Variants in ZNF143 observed in about 807,000 individuals in gnomAD.
ZNF143 encodes SPH-binding factor.
Under a neutral mutation model 74.1 loss-of-function variants are expected in ZNF143, and 49 were observed. That is an observed-to-expected ratio of 0.66 (90% confidence interval 0.53 to 0.84). The LOEUF is 0.84. Among genes scored for constraint, ZNF143 ranks in the 40% least tolerant of loss-of-function variants. The probability of loss-of-function intolerance (pLI) is 0.00; values close to 1 mark genes in which losing one functional copy is unlikely to be tolerated. For synonymous variants in ZNF143, 304 were observed against 282.8 expected (o/e 1.07, Z -0.75); for missense variants, 637 against 793.4 (o/e 0.80, Z 2.37).
intron 14 of ZNF143, among the ~76,000 whole-genome samples, chr11:9,522,753 C>A (rs1219534647): frequency 6.6e-6 from 1 of 151,948 alleles, no homozygotes; most frequent in African/African-American, 2.4e-5. Flanking sequence ...CTTGGCCTCC[C>A]AGAGTGTTGG....
intron 6 of ZNF143, among the ~76,000 whole-genome samples, chr11:9,479,110 C>T (rs1847138784): frequency 6.6e-6 from 1 of 151,702 alleles, no homozygotes; most frequent in Non-Finnish European, 1.5e-5. Flanking sequence ...ACATGTATCT[C>T]TCATATAACT....
At chr11:9,522,332 CCCTCAG>C (rs1848961456) in intron 14 of ZNF143, among the ~76,000 whole-genome samples, 2 of 151,892 alleles carry the variant, frequency 1.3e-5, no homozygotes, top group Admixed American at 6.6e-5. Context: ...CTTCAGGGAT[CCCTCAG>C]CCTCAGCCTC....
intron 5 of ZNF143, 49 bp from the exon 6 acceptor site, chr11:9,478,341 T>C: frequency 6.4e-7 from 1 of 1,571,818 alleles, no homozygotes; most frequent in East Asian, 2.3e-5. Context: ...ATGTAAATAT[T>C]TGTCAGATTT....
chr11:9,518,670 T>C (rs1157919391), intron 14 of ZNF143, among the ~76,000 whole-genome samples: 1 of 151,570 alleles, frequency 6.6e-6, no homozygotes, highest in African/African-American at 2.4e-5. Flanking sequence ...TCAGCCGAGA[T>C]TGCACCACTG....
chr11:9,471,152 A>G (rs946164276), intron 1 of ZNF143, 150 bp from the exon 2 acceptor site: 4 of 571,764 alleles, frequency 7.0e-6, no homozygotes, highest in African/African-American at 5.8e-5. Flanking sequence ...CTTTGGGCTA[A>G]TACTCTTACC....
intron 15 of ZNF143, 173 bp downstream of exon 15, chr11:9,525,559 C>T (rs1278927177): frequency 1.2e-6 from 1 of 834,456 alleles, no homozygotes; most frequent in East Asian, 2.8e-5. Flanking sequence ...AAAAGACCAG[C>T]ACTTTGTTCT....
Position 9,466,819 on chromosome 11 carries a change from G to A in ZNF143, c.-7-4483G>A, listed in dbSNP as rs372422854. ...TAGACTGAAACGATGAGAATATGGT[G>A]CAGAGAGCAGTAAAGATATTATTGT... On this transcript the variant is annotated intron_variant, in intron 1 of 15. Transcript: ENST00000396602. Among the ~76,000 whole-genome samples the A allele has an allele frequency of 1.1e-3, 170 of 151,912 alleles. 1 individual carries two copies. In the Middle Eastern group the frequency reaches 0.031, roughly 27 times the overall value.
intron 7 of ZNF143, among the ~76,000 whole-genome samples, chr11:9,486,528 C>T (rs1847558305): frequency 7.9e-6 from 1 of 126,382 alleles, no homozygotes; most frequent in Admixed American, 9.6e-5. Flanking sequence ...CTGATCCACC[C>T]TCATCTGCCA....
intron 10 of ZNF143, among the ~76,000 whole-genome samples, chr11:9,499,497 G>T (rs758575320): frequency 5.9e-5 from 9 of 152,176 alleles, no homozygotes; most frequent in Non-Finnish European, 1.0e-4. Context: ...AAATCTTTTG[G>T]AATGGTTTCC....
intron 4 of ZNF143, 124 bp downstream of exon 4, chr11:9,474,148 A>G: frequency 2.6e-6 from 2 of 764,624 alleles, no homozygotes; most frequent in South Asian, 1.5e-5. Flanking sequence ...CTGTAAAGGG[A>G]GATTATAGAT....
chr11:9,501,758 T>C (rs1332208610), intron 11 of ZNF143, among the ~76,000 whole-genome samples: 1 of 151,916 alleles, frequency 6.6e-6, no homozygotes, highest in Non-Finnish European at 1.5e-5. Flanking sequence ...AGCATGATAC[T>C]CAGTGGTTCC....
chr11:9,511,021 G>C (rs1377849479), intron 12 of ZNF143, among the ~76,000 whole-genome samples: 2 of 151,462 alleles, frequency 1.3e-5, no homozygotes, highest in Non-Finnish European at 2.9e-5. Flanking sequence ...TTTAGTATCA[G>C]TGGGTGTGTT....
chr11:9,492,375 A>G (rs1847815547), intron 7 of ZNF143, among the ~76,000 whole-genome samples: 2 of 151,854 alleles, frequency 1.3e-5, no homozygotes, highest in Admixed American at 1.3e-4. Context: ...GGCCTCCCAG[A>G]GTGCTGGGAT....
At chr11:9,524,783 G>A (rs143836581) in intron 14 of ZNF143, among the ~76,000 whole-genome samples, 68 of 152,150 alleles carry the variant, frequency 4.5e-4, no homozygotes, top group African/African-American at 1.4e-3. Context: ...TAGTACCACT[G>A]GTCCTTTCAG....
intron 14 of ZNF143, among the ~76,000 whole-genome samples, chr11:9,518,512 A>G (rs1195468362): frequency 1.3e-5 from 2 of 152,214 alleles, no homozygotes; most frequent in Admixed American, 1.3e-4. Context: ...CAGGAATTCA[A>G]GACCAGCGTG....
chr11:9,515,419 G>A (rs930043288), intron 13 of ZNF143, among the ~76,000 whole-genome samples: 1 of 151,758 alleles, frequency 6.6e-6, no homozygotes, highest in Non-Finnish European at 1.5e-5. Flanking sequence ...GGAGGCCGAG[G>A]TGGGCGGATC....
intron 1 of ZNF143, among the ~76,000 whole-genome samples, chr11:9,461,289 C>T (rs1855814454): frequency 6.6e-6 from 1 of 152,126 alleles, no homozygotes; most frequent in East Asian, 1.9e-4. Flanking sequence ...CTCTAGGCGG[C>T]GGAGCTTTTT....
chr11:9,500,777 ACTTTT>A (rs1848130243), intron 10 of ZNF143, among the ~76,000 whole-genome samples: 1 of 152,128 alleles, frequency 6.6e-6, no homozygotes, highest in Admixed American at 6.5e-5. Context: ...TCCTGACTGT[ACTTTT>A]CTTTTATATT....
At chr11:9,472,607 T>A in intron 2 of ZNF143, 70 bp from the exon 3 acceptor site, 1 of 1,379,386 alleles carries the variant, frequency 7.2e-7, no homozygotes, top group Non-Finnish European at 1.0e-6. Context: ...TGATCTTTAT[T>A]TGAAAAAAAA....
Sources: gnomAD v4.1 joint callset for allele counts (sites outside exome capture counted in the v4.1 genomes callset) on GRCh38, gnomAD v4.1.1 for gene constraint, MANE v1.5 for transcripts, NCBI Gene and HGNC (gene_info 2026-07-23, HGNC 2026-07-21) for gene names.